Variants in PRRX1 observed in about 807,000 individuals in gnomAD.
PRRX1 encodes the protein paired mesoderm homeobox protein 1.
Under a neutral mutation model 24.0 loss-of-function variants are expected in PRRX1, and 8 were observed. The ratio of observed to expected loss-of-function variants is 0.33; its 90% confidence interval spans 0.20 to 0.60. The LOEUF (loss-of-function observed/expected upper bound fraction) is 0.60. Ranked by LOEUF, PRRX1 falls within the 20% of genes least tolerant of loss-of-function variation. PRRX1 has a pLI of 0.82. For missense variants in PRRX1, 281 were observed against 322.4 expected, an observed-to-expected ratio of 0.87 and a Z score of 0.98; for synonymous variants, 160 against 131.7, an observed-to-expected ratio of 1.22 and a Z score of -1.47.
intron 3 of PRRX1, chr1:170,727,759 T>C (rs906370044): frequency 6.6e-6 from 1 of 152,208 alleles, no homozygotes; most frequent in African/African-American, 2.4e-5. Context: ...AGGAAAGTCT[T>C]ATTCTGGGCC....
At chr1:170,723,730 G>A (rs560958108) in intron 2 of PRRX1, among the ~76,000 whole-genome samples, 2 of 152,296 alleles carry the variant, frequency 1.3e-5, no homozygotes, top group South Asian at 2.1e-4. Flanking sequence ...ACATCATGGA[G>A]TCTACTTACA....
intron 1 of PRRX1, chr1:170,668,629 G>A (rs1463014088): frequency 6.6e-6 from 1 of 152,186 alleles, no homozygotes; most frequent in Non-Finnish European, 1.5e-5. Context: ...ACACTCTCTC[G>A]GGACCTTGCC....
chr1:170,714,882 G>A (rs1009296799), intron 1 of PRRX1, among the ~76,000 whole-genome samples: 1 of 152,104 alleles, frequency 6.6e-6, no homozygotes, highest in Admixed American at 6.5e-5. Context: ...ACAGAGGGTA[G>A]CCTACCTTGG....
chr1:170,714,003 A>G (rs1026721506), intron 1 of PRRX1, among the ~76,000 whole-genome samples: 4 of 152,164 alleles, frequency 2.6e-5, no homozygotes, highest in African/African-American at 9.7e-5. Context: ...TGTTGAGACG[A>G]TGTGTGTGTG....
intron 1 of PRRX1, among the ~76,000 whole-genome samples, chr1:170,693,422 A>G (rs1654060735): frequency 6.6e-6 from 1 of 152,046 alleles, no homozygotes; most frequent in African/African-American, 2.4e-5. Context: ...GCACATACCA[A>G]TCTCAGAGGC....
chr1:170,687,754 T>A (rs1571323033), intron 1 of PRRX1, among the ~76,000 whole-genome samples: 2 of 152,186 alleles, frequency 1.3e-5, no homozygotes, highest in African/African-American at 2.4e-5. Flanking sequence ...CCGTTATCAC[T>A]CAGCCATAAA....
chr1:170,685,313 G>A (rs750065051), intron 1 of PRRX1, among the ~76,000 whole-genome samples: 3 of 152,152 alleles, frequency 2.0e-5, no homozygotes, highest in Non-Finnish European at 4.4e-5. Flanking sequence ...GACTGTGTGA[G>A]GTGGGTGAGG....
At chr1:170,677,446 A>G (rs2101889240) in intron 1 of PRRX1, among the ~76,000 whole-genome samples, 1 of 152,310 alleles carries the variant, frequency 6.6e-6, no homozygotes, top group African/African-American at 2.4e-5. Context: ...GGTACTGGGC[A>G]TTTTGCTTAC....
Position 170,738,984 on chromosome 1 carries a change from C to T in PRRX1, c.*2798C>T, listed in dbSNP as rs900743746. On this transcript the variant is annotated 3_prime_UTR_variant, in exon 4 of 4. Coordinates refer to ENST00000239461, the MANE Select transcript of PRRX1 (RefSeq NM_022716.4). ...TTGATCAAGAAATATACATGTTGTA[C>T]AAGCTCTCAATTTTGTTCATTTATT... 4.5e-6 allele frequency: 1 copy of T among 224,620 alleles called. No individual in the cohort carries two copies. The highest frequency in any genetic ancestry group is 2.2e-5 in the African/African-American group (1 of 44,902). The allele number at this position is 224,620 out of a possible 1,614,324, so 13.9% of individuals were successfully genotyped here.
intron 1 of PRRX1, among the ~76,000 whole-genome samples, chr1:170,707,717 G>A (rs1317579133): frequency 1.3e-5 from 2 of 152,108 alleles, no homozygotes; most frequent in Non-Finnish European, 2.9e-5. Flanking sequence ...AAATAAGAAG[G>A]CTTGTCAATG....
At chr1:170,720,020 C>G in intron 2 of PRRX1, 119 bp downstream of exon 2, 1 of 1,353,694 alleles carries the variant, frequency 7.4e-7, no homozygotes, top group South Asian at 1.2e-5. Context: ...GCAATCTCAG[C>G]ACGTTGGGAG....
chr1:170,666,400 AG>A (rs1299042510), intron 1 of PRRX1, among the ~76,000 whole-genome samples: 2 of 134,548 alleles, frequency 1.5e-5, no homozygotes, highest in East Asian at 4.6e-4. Flanking sequence ...TCTGGATGAC[AG>A]AGTGAGACTC....
chr1:170,734,158 T>G (rs1295501600), intron 3 of PRRX1, among the ~76,000 whole-genome samples: 2 of 152,088 alleles, frequency 1.3e-5, no homozygotes, highest in Admixed American at 6.6e-5. Flanking sequence ...GACTTTGCCC[T>G]TTCTATTAAG....
chr1:170,685,886 A>AT (rs11455495), intron 1 of PRRX1, among the ~76,000 whole-genome samples: 39,549 of 150,148 alleles, frequency 0.26, 5,878 homozygotes, highest in Middle Eastern at 0.37. Context: ...AGTGTAATTG[A>AT]TTTTTTTTTT....
At chr1:170,670,671 C>A (rs1398224133) in intron 1 of PRRX1, among the ~76,000 whole-genome samples, 1 of 152,002 alleles carries the variant, frequency 6.6e-6, no homozygotes, top group Non-Finnish European at 1.5e-5. Flanking sequence ...ATTTCACTTG[C>A]CTTGGGACTA....
intron 1 of PRRX1, among the ~76,000 whole-genome samples, chr1:170,693,245 T>C (rs1054973112): frequency 6.6e-6 from 1 of 152,060 alleles, no homozygotes; most frequent in African/African-American, 2.4e-5. Context: ...TTAGCATTGA[T>C]AAATGACTCG....
chr1:170,687,290 A>G (rs1198656203), intron 1 of PRRX1, among the ~76,000 whole-genome samples: 1 of 152,154 alleles, frequency 6.6e-6, no homozygotes, highest in Admixed American at 6.5e-5. Context: ...ATATTTGGTG[A>G]ACAAGCCCAT....
At chr1:170,703,768 A>C (rs1654472658) in intron 1 of PRRX1, among the ~76,000 whole-genome samples, 1 of 152,232 alleles carries the variant, frequency 6.6e-6, no homozygotes, top group South Asian at 2.1e-4. Flanking sequence ...GCTGAAAGAC[A>C]GTGAGTGACA....
Position 170,736,310 on chromosome 1 carries a change from C to G in PRRX1, c.*124C>G. 7.5e-7 allele frequency: 1 copy of G among 1,341,124 alleles called. No homozygotes were observed. Among genetic ancestry groups the G allele is most frequent in the Non-Finnish European group, 1.0e-6 (1 of 962,566 alleles). 83.1% of individuals were successfully genotyped at this position (1,341,124 alleles called of 1,614,324 possible). A position where few individuals can be genotyped will look rare whatever the true frequency, so the allele number is the denominator to read the frequency against. ...TTACAAACAAACAAACAAAGCAGAA[C>G]TAAAATATTGGGACCATGGCAGAGA... On this transcript the variant is annotated 3_prime_UTR_variant, in exon 4 of 4. Transcript: ENST00000239461.
Sources: gnomAD v4.1 joint callset for allele counts (sites outside exome capture counted in the v4.1 genomes callset) on GRCh38, gnomAD v4.1.1 for gene constraint, MANE v1.5 for transcripts, NCBI Gene and HGNC (gene_info 2026-07-23, HGNC 2026-07-21) for gene names.